POLR3GL: variants seen among roughly 807,000 people sequenced by gnomAD.
POLR3GL encodes DNA-directed RNA polymerase III subunit RPC7-like.
Under a neutral mutation model 32.4 loss-of-function variants are expected in POLR3GL, and 26 were observed. That is an observed-to-expected ratio of 0.80 (90% CI 0.59 to 1.11). POLR3GL has a LOEUF of 1.11. Ranked by LOEUF, POLR3GL falls within the 50% of genes most tolerant of loss-of-function variation. POLR3GL has a pLI of 0.00. For missense variants in POLR3GL, 229 were observed against 280.1 expected, an observed-to-expected ratio of 0.82 and a Z score of 1.30; for synonymous variants, 95 against 98.7, an observed-to-expected ratio of 0.96 and a Z score of 0.22.
At chr1:145,975,691 A>T (rs1553763300) in intron 3 of POLR3GL, among the ~76,000 whole-genome samples, 1 of 152,150 alleles carries the variant, frequency 6.6e-6, no homozygotes, top group Non-Finnish European at 1.5e-5. Context: ...TTTCTAAAAA[A>T]TTATATATTT....
intron 2 of POLR3GL, 132 bp from the exon 3 acceptor site, chr1:145,975,175 A>G: frequency 7.4e-7 from 1 of 1,344,048 alleles, no homozygotes; most frequent in Non-Finnish European, 1.0e-6. Context: ...CTTTCAAAAT[A>G]ATATGTTACT....
chr1:145,970,875 CAAAAAAAAA>C (rs35524546), intron 1 of POLR3GL, among the ~76,000 whole-genome samples: 5 of 13,202 alleles, frequency 3.8e-4, no homozygotes, highest in African/African-American at 1.3e-3. Context: ...AACTCCATCT[CAAAAAAAAA>C]AAAAAAAAAA....
chr1:145,978,432 C>T lies in POLR3GL; in HGVS notation c.642C>T (p.Asp214=), dbSNP rs781980008. The change falls in exon 8 of 8, where the codon GAC becomes GAT. Residue 214 remains aspartate (D), a synonymous_variant. Transcript: ENST00000369314. The part of the protein sequence containing the change: ...DFGGDSDDNM[D]EAIY The stretch of plus-strand genomic sequence containing the variant: ...GTGGTGACAGTGATGACAATATGGA[C>T]GAGGCTATATACTGAAGAAGGACTC... 2.2e-5 allele frequency: 36 copies of T among 1,604,490 alleles called. No homozygotes were observed. The highest frequency in any genetic ancestry group is 3.3e-5 in the Admixed American group (2 of 59,888).
chr1:145,975,579 A>G (rs1041588630), intron 3 of POLR3GL, 143 bp downstream of exon 3: 1 of 880,410 alleles, frequency 1.1e-6, no homozygotes, highest in Non-Finnish European at 1.7e-6. Flanking sequence ...TCTGAAATGC[A>G]TTATAGTATT....
chr1:145,975,245 G>T, intron 2 of POLR3GL, 62 bp from the exon 3 acceptor site: 1 of 1,580,838 alleles, frequency 6.3e-7, no homozygotes, highest in Non-Finnish European at 8.7e-7. Flanking sequence ...TGGGAGGAGG[G>T]GTCTTCCTAA....
chr1:145,973,790 G>A (rs1650429447), intron 1 of POLR3GL, among the ~76,000 whole-genome samples: 1 of 151,776 alleles, frequency 6.6e-6, no homozygotes, highest in African/African-American at 2.4e-5. Flanking sequence ...GCACTGGGAG[G>A]GGTTTAGACT....
intron 2 of POLR3GL, 106 bp downstream of exon 2, chr1:145,975,097 C>G: frequency 7.2e-7 from 1 of 1,380,786 alleles, no homozygotes; most frequent in African/African-American, 1.4e-5. Context: ...CTTTGGCCCT[C>G]TCTCTATACT....
At chr1:145,973,726 G>T (rs1250911966) in intron 1 of POLR3GL, among the ~76,000 whole-genome samples, 1 of 149,954 alleles carries the variant, frequency 6.7e-6, no homozygotes, top group African/African-American at 2.5e-5. Flanking sequence ...AAAAAAAAAA[G>T]AAGACACACA....
chr1:145,977,920 G>A, intron 6 of POLR3GL, 63 bp from the exon 7 acceptor site: 2 of 1,613,788 alleles, frequency 1.2e-6, no homozygotes, highest in Admixed American at 1.7e-5. Flanking sequence ...GCCCATGTGT[G>A]CCTCAATTTT....
At chr1:145,969,434 T>C (rs1448897697) in intron 1 of POLR3GL, among the ~76,000 whole-genome samples, 1 of 151,450 alleles carries the variant, frequency 6.6e-6, no homozygotes, top group Non-Finnish European at 1.5e-5. Context: ...CCAGCTAATT[T>C]TTGTATTTTA....
At chr1:145,977,450 T>C in intron 4 of POLR3GL, 33 bp from the exon 5 acceptor site, 1 of 1,603,142 alleles carries the variant, frequency 6.2e-7, no homozygotes, top group Non-Finnish European at 8.5e-7. Context: ...CCAGGCAGGG[T>C]CCTATTGACA....
intron 1 of POLR3GL, among the ~76,000 whole-genome samples, chr1:145,972,759 G>T (rs1650377678): frequency 6.6e-6 from 1 of 152,046 alleles, no homozygotes; most frequent in East Asian, 1.9e-4. Context: ...GAGTGCAAGT[G>T]GTGCAATCAT....
chr1:145,975,100 T>G (rs941361122), intron 2 of POLR3GL, 109 bp downstream of exon 2: 11 of 1,382,430 alleles, frequency 8.0e-6, no homozygotes, highest in Middle Eastern at 2.0e-4. Context: ...TGGCCCTCTC[T>G]CTATACTCCC....
Position 145,974,965 on chromosome 1 carries a change from AC to A in POLR3GL, c.103del (p.Leu35CysfsTer29), listed in dbSNP as rs1467944640. On this transcript the variant is annotated frameshift_variant, in exon 2 of 8. Transcript: ENST00000369314. LOFTEE classifies it high-confidence loss of function. ...IGKGDALPPP[T>X]LQPSPLFPPL... The stretch of plus-strand genomic sequence containing the variant: ...GAAAGGGGATGCTTTGCCCCCACCC[AC>A]CCTGCAGCCTTCTCCACTCTTCCCT... 6.6e-7 allele frequency: 1 copy of A among 1,519,082 alleles called. No homozygotes were observed. The highest frequency in any genetic ancestry group is 8.8e-7 in the Non-Finnish European group (1 of 1,138,436). 94.1% of individuals were successfully genotyped at this position (1,519,082 alleles called of 1,614,324 possible). A position where few individuals can be genotyped will look rare whatever the true frequency, so the allele number is the denominator to read the frequency against.
At chr1:145,966,141 A>G (rs77958539) in intron 1 of POLR3GL, among the ~76,000 whole-genome samples, 1 of 148,352 alleles carries the variant, frequency 6.7e-6, no homozygotes, top group Admixed American at 6.7e-5. Context: ...AAAAAAAAAA[A>G]GGAAATCTGT....
intron 2 of POLR3GL, 130 bp downstream of exon 2, chr1:145,975,121 G>T: frequency 7.5e-7 from 1 of 1,331,198 alleles, no homozygotes; most frequent in Non-Finnish European, 1.0e-6. Flanking sequence ...AATGCACAGG[G>T]ATGTTTTGCA....
At chr1:145,972,012 A>ATATATGTGTGTG (rs782186587) in intron 1 of POLR3GL, among the ~76,000 whole-genome samples, 44 of 112,592 alleles carry the variant, frequency 3.9e-4, no homozygotes, top group African/African-American at 1.8e-3. Context: ...ATATATATAT[A>ATATATGTGTGTG]CGTGTGTGTG....
intron 4 of POLR3GL, 27 bp downstream of exon 4, chr1:145,977,179 G>A (rs782352740): frequency 6.9e-6 from 11 of 1,584,846 alleles, no homozygotes; most frequent in South Asian, 1.1e-5. Flanking sequence ...TTCATTGACT[G>A]CCCTTCTTTC....
At chr1:145,973,652 C>T (rs1294617761) in intron 1 of POLR3GL, among the ~76,000 whole-genome samples, 4 of 151,278 alleles carry the variant, frequency 2.6e-5, no homozygotes, top group African/African-American at 9.7e-5. Context: ...GCAGAGGTTG[C>T]AGTGAGCCAA....
Sources: allele counts gnomAD v4.1 joint callset (sites outside exome capture counted in the v4.1 genomes callset), GRCh38; gene constraint gnomAD v4.1.1; transcripts MANE v1.5; gene names NCBI Gene and HGNC (gene_info 2026-07-23, HGNC 2026-07-21).